Variants in LFNG observed in about 807,000 individuals in gnomAD.
LFNG encodes LFNG O-fucosylpeptide 3-beta-N-acetylglucosaminyltransferase.
Under a neutral mutation model 32.7 loss-of-function variants are expected in LFNG, and 15 were observed. The ratio of observed to expected loss-of-function variants is 0.46; its 90% confidence interval spans 0.31 to 0.71. The LOEUF (loss-of-function observed/expected upper bound fraction) is 0.71, where lower values mean the gene tolerates loss of function less well. Ranked by LOEUF, LFNG falls within the 30% of genes least tolerant of loss-of-function variation. LFNG has a pLI of 0.06. For synonymous variants in LFNG, 274 were observed against 246.8 expected (o/e 1.11, Z -1.03); for missense variants, 520 against 545.7 (o/e 0.95, Z 0.47).
downstream of LFNG, chr7:2,528,799 G>A (rs1469006068): frequency 1.4e-5 from 9 of 643,848 alleles, no homozygotes; most frequent in South Asian, 3.4e-5. Flanking sequence ...TCCTGTGACC[G>A]GGCCTGGGGC....
chr7:2,521,523 G>A (rs1194965666), intron 1 of LFNG, among the ~76,000 whole-genome samples: 1 of 152,208 alleles, frequency 6.6e-6, no homozygotes, highest in Non-Finnish European at 1.5e-5. Flanking sequence ...GGCCACTCAG[G>A]TTGCCTGGCG....
At chr7:2,528,874 G>A (rs367877356), downstream of LFNG, 3 of 579,456 alleles carry the variant, frequency 5.2e-6, no homozygotes, top group African/African-American at 3.9e-5. Flanking sequence ...CACTTTGCAG[G>A]TGGGGAAACT....
chr7:2,523,356 C>G lies in LFNG; in HGVS notation c.433-1339C>G, dbSNP rs371921913. 6.0e-4 allele frequency among the ~76,000 whole-genome samples: 91 copies of G among 152,258 alleles called. 1 individual carries two copies. Among genetic ancestry groups the G allele is most frequent in the African/African-American group, 2.1e-3 (88 of 41,550 alleles). ...GCCTGCCACCCCCTTAGCTCTGGGC[C>G]TCACCCTAGTGAGCATGTGCCCAGG... On this transcript the variant is annotated intron_variant, in intron 1 of 7. Transcript: ENST00000222725.
At chr7:2,522,469 G>T (rs1190798322) in intron 1 of LFNG, among the ~76,000 whole-genome samples, 3 of 152,308 alleles carry the variant, frequency 2.0e-5, no homozygotes, top group Middle Eastern at 3.4e-3. Flanking sequence ...CCAGGCTGCC[G>T]CGCTGCCACC....
chr7:2,513,000 G>A (rs1230326623), upstream of LFNG, among the ~76,000 whole-genome samples: 4 of 152,122 alleles, frequency 2.6e-5, no homozygotes, highest in East Asian at 7.7e-4. Flanking sequence ...AAGCCCCAGG[G>A]CAAATGTCAC....
chr7:2,513,109 C>T (rs774092304), upstream of LFNG: 28 of 1,600,160 alleles, frequency 1.7e-5, no homozygotes, highest in East Asian at 4.5e-5. Context: ...TTGGGCTGGA[C>T]CCATTTTTCT....
upstream of LFNG, among the ~76,000 whole-genome samples, chr7:2,517,455 G>C (rs893624101): frequency 6.6e-6 from 1 of 152,198 alleles, no homozygotes; most frequent in Non-Finnish European, 1.5e-5. Flanking sequence ...ATCCACCTCT[G>C]TATGGTCACT....
intron 2 of LFNG, 109 bp downstream of exon 2, chr7:2,524,852 C>A: frequency 9.8e-7 from 1 of 1,019,862 alleles, no homozygotes. Flanking sequence ...AAGGGCAGGA[C>A]AGGGAGGGCA....
At position 2,527,397 on chromosome 7, in the gene LFNG, C is replaced by G; in HGVS notation, c.*185C>G. The G allele has an allele frequency of 6.8e-7, 1 of 1,480,428 alleles. No homozygotes were observed. The highest frequency in any genetic ancestry group is 9.0e-7 in the Non-Finnish European group (1 of 1,116,016). 91.7% of individuals were successfully genotyped at this position (1,480,428 alleles called of 1,614,324 possible). On this transcript the variant is annotated 3_prime_UTR_variant, in exon 8 of 8. Transcript: ENST00000222725. This position sits in a 1 kb window ranked among gnomAD's most constrained non-coding sequence, Gnocchi z 4.4. Reference sequence around the variant, plus strand: ...TAGCAGGCTGCTGGGCAGTTCTGCTCTGTGGAGGGGCGGGCACCAGCGCCA... The same window carrying G: ...TAGCAGGCTGCTGGGCAGTTCTGCTGTGTGGAGGGGCGGGCACCAGCGCCA...
At chr7:2,518,670 G>A (rs999570012), upstream of LFNG, 8 of 1,572,466 alleles carry the variant, frequency 5.1e-6, no homozygotes, top group South Asian at 4.6e-5. Context: ...AACTCCGAGG[G>A]GGGCAGTTTA....
At chr7:2,514,179 C>CCAGCGGCAGCCCTG (rs1233661981), upstream of LFNG, among the ~76,000 whole-genome samples, 5 of 152,242 alleles carry the variant, frequency 3.3e-5, no homozygotes, top group African/African-American at 4.8e-5. Flanking sequence ...GGCTCAGAGG[C>CCAGCGGCAGCCCTG]CAGCGGCAGC....
upstream of LFNG, chr7:2,517,916 A>C: frequency 1.7e-6 from 2 of 1,157,772 alleles, no homozygotes; most frequent in Non-Finnish European, 2.2e-6. Context: ...CTAGTTGTCC[A>C]GCTGCTGCGT....
At chr7:2,524,264 C>A (rs919716644) in intron 1 of LFNG, among the ~76,000 whole-genome samples, 1 of 151,978 alleles carries the variant, frequency 6.6e-6, no homozygotes, top group African/African-American at 2.4e-5. Flanking sequence ...CCCGCCACCC[C>A]GCCTGTCCCC....
intron 5 of LFNG, 114 bp downstream of exon 5, chr7:2,525,884 G>A: frequency 1.1e-6 from 1 of 904,718 alleles, no homozygotes; most frequent in Non-Finnish European, 1.7e-6. Flanking sequence ...GTGTGGCACT[G>A]CCCACTTACT....
chr7:2,519,894 G>C lies in LFNG; in HGVS notation c.33G>C (p.Leu11=). The C allele has an allele frequency of 5.5e-6, 6 of 1,100,596 alleles. No individual in the cohort carries two copies. The highest frequency in any genetic ancestry group is 6.7e-6 in the Non-Finnish European group (6 of 899,748). The allele number at this position is 1,100,596 out of a possible 1,614,324, so 68.2% of individuals were successfully genotyped here. A position where few individuals can be genotyped will look rare whatever the true frequency, so the allele number is the denominator to read the frequency against. MLKRCGRRLL[L]ALAGALLACL... ...AGCGCTGCGGCCGGCGCCTGCTGCT[G>C]GCGCTGGCGGGCGCGCTGCTCGCCT... The change falls in exon 1 of 8, where the codon CTG becomes CTC. Residue 11 remains leucine, a synonymous_variant. Coordinates refer to ENST00000222725, the MANE Select transcript of LFNG (RefSeq NM_001040167.2).
At position 2,528,312 on chromosome 7, in the gene LFNG, T is replaced by C; in HGVS notation, c.*1100T>C. 1 of 986,166 alleles carries C rather than the reference T, an allele frequency of 1.0e-6. No homozygotes were observed. The highest frequency in any genetic ancestry group is 1.2e-6 in the Non-Finnish European group (1 of 830,020). 61.1% of individuals were successfully genotyped at this position (986,166 alleles called of 1,614,324 possible). Reference sequence around the variant, plus strand: ...CGTGGGCTGTGTTTCTTGTTGTTTTTCTCTTTGCAAAGACATAGCTAGGAA... The same window carrying C: ...CGTGGGCTGTGTTTCTTGTTGTTTTCCTCTTTGCAAAGACATAGCTAGGAA... On this transcript the variant is annotated 3_prime_UTR_variant, in exon 8 of 8. Transcript: ENST00000222725.
downstream of LFNG, chr7:2,529,170 T>A (rs574316865): frequency 1.2e-4 from 35 of 285,014 alleles, no homozygotes; most frequent in African/African-American, 7.4e-4. This position sits in a 1 kb window ranked among gnomAD's most constrained non-coding sequence, Gnocchi z 4.2. Flanking sequence ...TGCTTTTCCT[T>A]CCTCAAATCC....
chr7:2,524,891 C>G (rs901219973), intron 2 of LFNG, 148 bp downstream of exon 2: 1 of 742,194 alleles, frequency 1.3e-6, no homozygotes, highest in African/African-American at 1.8e-5. Context: ...CTCCATGCCC[C>G]GCCCCACCAC....
At position 2,525,666 on chromosome 7, in the gene LFNG, A is replaced by G. The variant is rs1489128273; in HGVS notation, c.736-19A>G. On this transcript the variant is annotated intron_variant, in intron 4 of 7. Coordinates refer to ENST00000222725, the MANE Select transcript of LFNG (RefSeq NM_001040167.2). ...GGCAGCAGCGCCTGGGTCTCAGGAC[A>G]CCTTCTCCCTTCTCCCAGCGTCCTG... 1.9e-6 allele frequency: 3 copies of G among 1,612,840 alleles called. No homozygotes were observed. Among genetic ancestry groups the G allele is most frequent in the Admixed American group, 3.3e-5 (2 of 60,028 alleles).
Sources: allele counts gnomAD v4.1 joint callset (sites outside exome capture counted in the v4.1 genomes callset), GRCh38; gene constraint gnomAD v4.1.1; non-coding constraint Gnocchi (gnomAD v3.1); transcripts MANE v1.5; gene names NCBI Gene and HGNC (gene_info 2026-07-23, HGNC 2026-07-21).